RSRC1: variants seen among roughly 807,000 people sequenced by gnomAD.
RSRC1 encodes serine/Arginine-related protein 53.
In RSRC1, 39 loss-of-function variants were observed where a neutral mutation model predicts 49.1. That is an observed-to-expected ratio of 0.79 (90% CI 0.61 to 1.04). The LOEUF (loss-of-function observed/expected upper bound fraction) is 1.04, where lower values mean the gene tolerates loss of function less well. RSRC1 is among the 50% of genes least tolerant of loss of function. The pLI is 0.00. For missense variants in RSRC1, 388 were observed against 402.4 expected (o/e 0.96, Z 0.31); for synonymous variants, 143 against 130.8 (o/e 1.09, Z -0.63).
chr3:158,198,791 C>T (rs985619766), intron 3 of RSRC1, among the ~76,000 whole-genome samples: 12 of 152,104 alleles, frequency 7.9e-5, no homozygotes, highest in Non-Finnish European at 1.3e-4. Context: ...TGTTCGTATT[C>T]GGCCATCTTG....
chr3:158,159,047 A>T (rs1029025073), intron 3 of RSRC1, among the ~76,000 whole-genome samples: 5 of 152,128 alleles, frequency 3.3e-5, no homozygotes, highest in African/African-American at 1.2e-4. Flanking sequence ...CCAACCAAGA[A>T]TGTTGAGTAT....
intron 7 of RSRC1, 60 bp from the exon 8 acceptor site, chr3:158,537,032 G>C: frequency 1.0e-6 from 1 of 965,408 alleles, no homozygotes; most frequent in East Asian, 2.4e-5. Context: ...ACATTGCTTA[G>C]GTGTAGTGTT....
intron 4 of RSRC1, among the ~76,000 whole-genome samples, chr3:158,230,045 C>T (rs962726311): frequency 5.3e-5 from 8 of 152,022 alleles, no homozygotes; most frequent in Admixed American, 5.3e-4. Flanking sequence ...GGATCATATA[C>T]TGCAGTTAGT....
intron 6 of RSRC1, among the ~76,000 whole-genome samples, chr3:158,418,325 G>T (rs1224515380): frequency 2.0e-5 from 3 of 151,848 alleles, no homozygotes; most frequent in Non-Finnish European, 4.4e-5. Flanking sequence ...CACTCTCATG[G>T]GTCTGCTTGA....
At chr3:158,403,247 C>G (rs189612916) in intron 6 of RSRC1, among the ~76,000 whole-genome samples, 7 of 151,902 alleles carry the variant, frequency 4.6e-5, no homozygotes, top group African/African-American at 1.7e-4. Flanking sequence ...AAATTTCTCT[C>G]AATGAGATTT....
chr3:158,165,078 C>G (rs923427628), intron 3 of RSRC1, among the ~76,000 whole-genome samples: 2 of 152,116 alleles, frequency 1.3e-5, no homozygotes, highest in African/African-American at 4.8e-5. Flanking sequence ...CACCTTATGG[C>G]TAGTTAGGGT....
At chr3:158,235,332 A>C (rs569651738) in intron 4 of RSRC1, among the ~76,000 whole-genome samples, 10 of 152,188 alleles carry the variant, frequency 6.6e-5, no homozygotes, top group Non-Finnish European at 1.3e-4. Context: ...TTTAGAGATC[A>C]GAATATGATG....
chr3:158,399,965 A>G (rs921557480), intron 6 of RSRC1, among the ~76,000 whole-genome samples: 4 of 152,208 alleles, frequency 2.6e-5, no homozygotes, highest in Admixed American at 2.0e-4. Context: ...CAGTGAAAAC[A>G]TTGATAAAGG....
intron 6 of RSRC1, among the ~76,000 whole-genome samples, chr3:158,439,877 G>T (rs376574712): frequency 3.9e-5 from 6 of 151,942 alleles, no homozygotes. Context: ...GTGCATGTAC[G>T]ACAAGAGCAA....
chr3:158,366,042 A>G (rs1440164195), intron 6 of RSRC1, among the ~76,000 whole-genome samples: 2 of 152,138 alleles, frequency 1.3e-5, no homozygotes, highest in African/African-American at 4.8e-5. Context: ...GATTCTGGAT[A>G]TTAGCCCTTT....
At chr3:158,538,191 G>A (rs1712826194) in intron 8 of RSRC1, among the ~76,000 whole-genome samples, 1 of 151,746 alleles carries the variant, frequency 6.6e-6, no homozygotes, top group Admixed American at 6.6e-5. Flanking sequence ...TTTGTTATTA[G>A]TGAGATTAAA....
intron 3 of RSRC1, among the ~76,000 whole-genome samples, chr3:158,154,317 GATC>G (rs1382907222): frequency 6.6e-6 from 1 of 152,280 alleles, no homozygotes; most frequent in East Asian, 1.9e-4. Flanking sequence ...GCTGCCCACT[GATC>G]ATGGTGGCGG....
chr3:158,399,657 A>G (rs1461650758), intron 6 of RSRC1, among the ~76,000 whole-genome samples: 1 of 152,132 alleles, frequency 6.6e-6, no homozygotes, highest in Non-Finnish European at 1.5e-5. Context: ...CAGTAACTAC[A>G]TTTGGCTAGT....
intron 6 of RSRC1, among the ~76,000 whole-genome samples, chr3:158,421,648 G>A (rs1046926972): frequency 1.3e-5 from 2 of 151,806 alleles, no homozygotes; most frequent in African/African-American, 4.8e-5. Flanking sequence ...CAGAGAATTT[G>A]AGATAATAGA....
chr3:158,380,526 C>T (rs1238084017), intron 6 of RSRC1, among the ~76,000 whole-genome samples: 1 of 152,044 alleles, frequency 6.6e-6, no homozygotes, highest in African/African-American at 2.4e-5. Flanking sequence ...TATAACAGTT[C>T]CCGGTTTACA....
At position 158,134,581 on chromosome 3, in the gene RSRC1, G is replaced by T. The variant is rs1716241494; in HGVS notation, c.320+10590G>T. Among the ~76,000 whole-genome samples, 7 of 152,264 alleles carry T rather than the reference G, an allele frequency of 4.6e-5. No homozygotes were observed. The South Asian group carries it at 1.5e-3, about 32-fold the overall frequency. On this transcript the variant is annotated intron_variant, in intron 3 of 9. Coordinates refer to ENST00000611884, the MANE Select transcript of RSRC1 (RefSeq NM_001271838.2). ...CCTGACAGATGAGCCATTTCACAAA[G>T]ATCAAGGCTGTTATATACTGAATAT...
At chr3:158,289,985 C>T (rs1726827489) in intron 4 of RSRC1, among the ~76,000 whole-genome samples, 1 of 151,418 alleles carries the variant, frequency 6.6e-6, no homozygotes, top group African/African-American at 2.4e-5. Context: ...GAAAATGAGA[C>T]TGACTTTCAT....
At chr3:158,496,414 G>A (rs67286798) in intron 7 of RSRC1, 62,659 of 151,846 alleles carry the variant, frequency 0.41, 13,021 homozygotes, top group South Asian at 0.49. Context: ...AGGTGATGCC[G>A]ATACAATTGG....
chr3:158,411,131 A>G (rs753592393), intron 6 of RSRC1, among the ~76,000 whole-genome samples: 31 of 152,162 alleles, frequency 2.0e-4, no homozygotes, highest in Middle Eastern at 3.4e-3. Context: ...CAGCATGTTC[A>G]TTTTGTGCTA....
Sources: gnomAD v4.1 joint callset for allele counts (sites outside exome capture counted in the v4.1 genomes callset) on GRCh38, gnomAD v4.1.1 for gene constraint, MANE v1.5 for transcripts, NCBI Gene and HGNC (gene_info 2026-07-23, HGNC 2026-07-21) for gene names.